ALDH1A2: variants seen among roughly 807,000 people sequenced by gnomAD.
ALDH1A2 encodes the protein retinal dehydrogenase 2.
ALDH1A2 carries 27 observed loss-of-function variants against 60.3 expected under a neutral mutation model. That is an observed-to-expected ratio of 0.45 (90% CI 0.33 to 0.62). ALDH1A2 has a LOEUF of 0.62. ALDH1A2 is among the 20% of genes least tolerant of loss of function. The probability of loss-of-function intolerance (pLI) is 0.02; values close to 1 mark genes in which losing one functional copy is unlikely to be tolerated. For missense variants in ALDH1A2, 581 were observed against 643.8 expected, an observed-to-expected ratio of 0.90 and a Z score of 1.06; for synonymous variants, 289 against 232.4, an observed-to-expected ratio of 1.24 and a Z score of -2.21.
At chr15:58,032,549 A>G (rs1896268347) in intron 1 of ALDH1A2, among the ~76,000 whole-genome samples, 1 of 152,086 alleles carries the variant, frequency 6.6e-6, no homozygotes, top group Non-Finnish European at 1.5e-5. Context: ...GGATGTGGAG[A>G]AAAGGAAAGT....
At chr15:57,973,649 G>A (rs1004874018) in intron 7 of ALDH1A2, among the ~76,000 whole-genome samples, 4 of 152,132 alleles carry the variant, frequency 2.6e-5, no homozygotes, top group Non-Finnish European at 4.4e-5. Flanking sequence ...CTACTAATAT[G>A]GAAATTACAA....
chr15:58,001,393 A>T (rs1486114603), intron 4 of ALDH1A2, among the ~76,000 whole-genome samples: 1 of 151,928 alleles, frequency 6.6e-6, no homozygotes, highest in African/African-American at 2.4e-5. Context: ...ACAAAGAAAA[A>T]ACCTCAATGA....
rs536912629 is a variant in ALDH1A2, at chr15:58,021,297, C to G, written c.118-7016G>C. On this transcript the variant is annotated intron_variant, in intron 1 of 12. Coordinates refer to ENST00000249750, the MANE Select transcript of ALDH1A2 (RefSeq NM_003888.4). ...TAGAAAAACCAGAACAGTATATAGA[C>G]AGTCACACTTCAAATATATTATCCA... Among the ~76,000 whole-genome samples, 40 of 152,248 alleles carry G rather than the reference C, an allele frequency of 2.6e-4. No homozygotes were observed. The South Asian group carries it at 6.4e-3, about 24-fold the overall frequency.
chr15:58,035,233 C>T (rs1566956199), intron 1 of ALDH1A2, among the ~76,000 whole-genome samples: 1 of 151,638 alleles, frequency 6.6e-6, no homozygotes, highest in Non-Finnish European at 1.5e-5. Context: ...AATTTGTGGG[C>T]AAAGAGTTGT....
chr15:58,024,276 A>G (rs1375887416), intron 1 of ALDH1A2, among the ~76,000 whole-genome samples: 1 of 152,174 alleles, frequency 6.6e-6, no homozygotes, highest in Non-Finnish European at 1.5e-5. Context: ...AAAGAGATAT[A>G]ATGGCTGAAT....
At position 57,998,088 on chromosome 15, in the gene ALDH1A2, T is replaced by C. The variant is rs1335736460; in HGVS notation, c.494-2949A>G. On this transcript the variant is annotated intron_variant, in intron 4 of 12. Transcript: ENST00000249750. Reference sequence around the variant, plus strand: ...TCATTTATGGCAAACTCACAGCCAATATCATACTGAACAGGCAAAAGATGG... The same window carrying C: ...TCATTTATGGCAAACTCACAGCCAACATCATACTGAACAGGCAAAAGATGG... Among the ~76,000 whole-genome samples the C allele has an allele frequency of 4.6e-5, 7 of 151,936 alleles. No individual in the cohort carries two copies. The East Asian group carries it at 1.4e-3, about 29-fold the overall frequency.
At chr15:58,050,196 T>TA (rs4646573) in intron 1 of ALDH1A2, among the ~76,000 whole-genome samples, 98 of 149,178 alleles carry the variant, frequency 6.6e-4, no homozygotes, top group South Asian at 1.7e-3. Context: ...TTGCTAGGGT[T>TA]AAAAAAAAAA....
intron 8 of ALDH1A2, among the ~76,000 whole-genome samples, chr15:57,965,478 C>T (rs188256874): frequency 6.6e-6 from 1 of 152,232 alleles, no homozygotes; most frequent in Non-Finnish European, 1.5e-5. Flanking sequence ...AAGCCTTCAT[C>T]TCATCCCCCT....
chr15:57,959,268 C>T (rs997041957), intron 12 of ALDH1A2, among the ~76,000 whole-genome samples: 1 of 152,000 alleles, frequency 6.6e-6, no homozygotes, highest in African/African-American at 2.4e-5. Context: ...AGAGCACAGA[C>T]ATAGAGGAAG....
At chr15:57,961,373 T>C in intron 10 of ALDH1A2, 79 bp from the exon 11 acceptor site, 1 of 1,515,848 alleles carries the variant, frequency 6.6e-7, no homozygotes. Flanking sequence ...GCAAGTTTAC[T>C]CTGCCTTGAT....
chr15:57,963,506 ATT>A (rs563211480), intron 9 of ALDH1A2, among the ~76,000 whole-genome samples: 1 of 148,998 alleles, frequency 6.7e-6, no homozygotes, highest in Non-Finnish European at 1.5e-5. Context: ...CGCCCGGCTA[ATT>A]TTTTTTTTGT....
intron 7 of ALDH1A2, among the ~76,000 whole-genome samples, chr15:57,974,895 C>CT (rs1894195570): frequency 6.6e-6 from 1 of 152,176 alleles, no homozygotes; most frequent in South Asian, 2.1e-4. Context: ...ACAAACAACG[C>CT]TTGTCTCCAA....
intron 4 of ALDH1A2, among the ~76,000 whole-genome samples, chr15:58,005,969 A>G (rs968666065): frequency 2.0e-5 from 3 of 151,996 alleles, no homozygotes; most frequent in African/African-American, 2.4e-5. Flanking sequence ...TAACCCAAAA[A>G]TAAGTACAGA....
At chr15:58,031,982 T>G (rs1215674627) in intron 1 of ALDH1A2, among the ~76,000 whole-genome samples, 1 of 152,236 alleles carries the variant, frequency 6.6e-6, no homozygotes, top group Non-Finnish European at 1.5e-5. Context: ...AAATACCATT[T>G]GACCCAGCCA....
intron 3 of ALDH1A2, among the ~76,000 whole-genome samples, chr15:58,013,413 G>T (rs1383180136): frequency 6.6e-6 from 1 of 152,126 alleles, no homozygotes; most frequent in Non-Finnish European, 1.5e-5. Context: ...AATTCAGTGA[G>T]AAAAGATATT....
rs1490003815 is a variant in ALDH1A2, at chr15:57,955,196, C to T, written c.*1G>A. The T allele has an allele frequency of 2.5e-6, 4 of 1,614,102 alleles. No individual in the cohort carries two copies. In the South Asian group the frequency reaches 4.4e-5, roughly 18 times the overall value. On this transcript the variant is annotated 3_prime_UTR_variant, in exon 13 of 13. Transcript: ENST00000249750. The stretch of plus-strand genomic sequence containing the variant: ...GGGCTTCATCCTCCTTCTTGGCCTT[C>T]TTAGGAGTTCTTCTGGGGGATCTTT...
chr15:58,023,427 T>C (rs1238937608), intron 1 of ALDH1A2, among the ~76,000 whole-genome samples: 1 of 152,158 alleles, frequency 6.6e-6, no homozygotes, highest in Non-Finnish European at 1.5e-5. Flanking sequence ...ATTTAACACA[T>C]GCAGATACAG....
chr15:58,046,325 A>C (rs911792347), intron 1 of ALDH1A2, among the ~76,000 whole-genome samples: 3 of 152,088 alleles, frequency 2.0e-5, no homozygotes, highest in African/African-American at 7.2e-5. Flanking sequence ...CAGGATAGCA[A>C]GGTAACAAGC....
intron 1 of ALDH1A2, among the ~76,000 whole-genome samples, chr15:58,061,025 A>G (rs956782553): frequency 3.5e-4 from 53 of 152,194 alleles, no homozygotes; most frequent in African/African-American, 1.2e-3. Flanking sequence ...GACCTCACAA[A>G]ACAGTCTCCT....
Sources: gnomAD v4.1 joint callset for allele counts (sites outside exome capture counted in the v4.1 genomes callset) on GRCh38, gnomAD v4.1.1 for gene constraint, MANE v1.5 for transcripts, NCBI Gene and HGNC (gene_info 2026-07-23, HGNC 2026-07-21) for gene names.